The following AFAP1L2 variants were observed in gnomAD, a reference collection of about 807,000 sequenced individuals.
The protein encoded by AFAP1L2 is actin filament associated protein 1 like 2.
Under a neutral mutation model 99.3 loss-of-function variants are expected in AFAP1L2, and 46 were observed. The observed-to-expected ratio is 0.46, with a 90% CI of 0.37 to 0.59. The LOEUF is 0.59. Among genes scored for constraint, AFAP1L2 ranks in the 20% least tolerant of loss-of-function variants. The probability of loss-of-function intolerance (pLI) is 0.00; values close to 1 mark genes in which losing one functional copy is unlikely to be tolerated. For synonymous variants in AFAP1L2, 397 were observed against 419.1 expected, an observed-to-expected ratio of 0.95 and a Z score of 0.64; for missense variants, 959 against 1,034.9, an observed-to-expected ratio of 0.93 and a Z score of 1.01.
chr10:114,384,500 G>A (rs896682129), intron 1 of AFAP1L2, among the ~76,000 whole-genome samples: 2 of 152,146 alleles, frequency 1.3e-5, no homozygotes, highest in Non-Finnish European at 2.9e-5. Flanking sequence ...GACAGCTGTT[G>A]GGCTTGAATG....
intron 1 of AFAP1L2, chr10:114,363,208 G>A (rs1251593519): frequency 1.0e-6 from 1 of 979,916 alleles, no homozygotes; most frequent in African/African-American, 1.8e-5. Flanking sequence ...TGAAATGTAT[G>A]CTGGACTTAG....
chr10:114,381,943 A>C (rs1324338787), intron 1 of AFAP1L2, among the ~76,000 whole-genome samples: 1 of 152,120 alleles, frequency 6.6e-6, no homozygotes, highest in Admixed American at 6.5e-5. Context: ...AAGAAGTATA[A>C]ATTATCAGGA....
chr10:114,337,308 GATGA>G (rs777642443), intron 2 of AFAP1L2, among the ~76,000 whole-genome samples: 21 of 152,244 alleles, frequency 1.4e-4, no homozygotes, highest in Non-Finnish European at 2.6e-4. Context: ...TGGGATAAAG[GATGA>G]ATGATGTCAT....
chr10:114,397,265 C>G (rs1318080388), intron 1 of AFAP1L2, among the ~76,000 whole-genome samples: 4 of 152,210 alleles, frequency 2.6e-5, no homozygotes, highest in Non-Finnish European at 5.9e-5. Flanking sequence ...ACGCCTTCCC[C>G]CAGTCCCAGT....
intron 3 of AFAP1L2, among the ~76,000 whole-genome samples, chr10:114,332,746 A>G (rs1252794079): frequency 1.3e-5 from 2 of 152,242 alleles, no homozygotes; most frequent in African/African-American, 4.8e-5. Flanking sequence ...CATGGAAGAA[A>G]ACATATGTCC....
intron 1 of AFAP1L2, among the ~76,000 whole-genome samples, chr10:114,356,211 G>A (rs2151893): frequency 0.11 from 17,008 of 152,020 alleles, 1,140 homozygotes; most frequent in East Asian, 0.25. Context: ...GCAGAGTCTG[G>A]GGAAATACTC....
chr10:114,284,463 T>G, the AFAP1L2 span, among the ~76,000 whole-genome samples: 1 of 152,190 alleles, frequency 6.6e-6, no homozygotes, highest in East Asian at 1.9e-4. Context: ...AAGGCTGGTG[T>G]GTTTTGCTGT....
chr10:114,340,625 G>C lies in AFAP1L2; in HGVS notation c.123C>G (p.Leu41=). The C allele has an allele frequency of 1.2e-6, 2 of 1,614,228 alleles. No homozygotes were observed. Among genetic ancestry groups the C allele is most frequent in the Non-Finnish European group, 1.7e-6 (2 of 1,180,040 alleles). The change falls in exon 2 of 19, where the codon CTC becomes CTG. Residue 41 remains leucine, a synonymous_variant. Coordinates refer to ENST00000304129, the MANE Select transcript of AFAP1L2 (RefSeq NM_001001936.3). ...CACTGCTGCTTTTGGTGTAAAGCCGGAGGAGCTCCGCCAGGCAGCTCTTCT... is the reference window on the plus strand; with the variant it reads ...CACTGCTGCTTTTGGTGTAAAGCCGCAGGAGCTCCGCCAGGCAGCTCTTCT... ...LVKKSCLAEL[L]RLYTKSSSSD...
At chr10:114,318,888 T>C (rs2044620185) in intron 5 of AFAP1L2, among the ~76,000 whole-genome samples, 1 of 152,142 alleles carries the variant, frequency 6.6e-6, no homozygotes, top group African/African-American at 2.4e-5. Flanking sequence ...GCATGGTGGC[T>C]CATGCCTGTA....
At chr10:114,281,602 G>A in the AFAP1L2 span, 1 of 334,980 alleles carries the variant, frequency 3.0e-6, no homozygotes. Flanking sequence ...CAGCAGACCT[G>A]AGAAGTCATT....
intron 1 of AFAP1L2, among the ~76,000 whole-genome samples, chr10:114,365,922 T>TG (rs1192479215): frequency 3.3e-5 from 5 of 151,722 alleles, no homozygotes; most frequent in Admixed American, 6.6e-5. Context: ...TGTATAGAGA[T>TG]GGGGGGTCTT....
downstream of AFAP1L2, chr10:114,291,277 C>T: frequency 6.5e-7 from 1 of 1,541,858 alleles, no homozygotes; most frequent in Non-Finnish European, 8.8e-7. Flanking sequence ...AGCCGTACCC[C>T]TCCCAGCAAC....
chr10:114,297,397 C>T lies in AFAP1L2; in HGVS notation c.2130G>A (p.Ala710=), dbSNP rs142901106. 98 of 1,613,084 alleles carry T rather than the reference C, an allele frequency of 6.1e-5. No homozygotes were observed. The highest frequency in any genetic ancestry group is 2.9e-4 in the African/African-American group (22 of 75,022). Residue 710 remains alanine (A), a synonymous_variant, in exon 17 of 19, where the codon GCG becomes GCA. Coordinates refer to ENST00000304129, the MANE Select transcript of AFAP1L2 (RefSeq NM_001001936.3). ...TTTCCTTCAGCTTCTGCTCCAGGCT[C>T]GCCAGGACTTCCTTGTCTGGAGAGA... is the stretch of plus-strand genomic sequence containing the variant. ...LLKCTDKEVL[A]SLEQKLKEID...
At chr10:114,321,676 G>A (rs2045362169) in intron 5 of AFAP1L2, among the ~76,000 whole-genome samples, 1 of 152,182 alleles carries the variant, frequency 6.6e-6, no homozygotes, top group South Asian at 2.1e-4. Context: ...GAAAGAGAAG[G>A]AGGACAGAAG....
At chr10:114,368,064 G>A (rs11196714) in intron 1 of AFAP1L2, among the ~76,000 whole-genome samples, 4 of 152,210 alleles carry the variant, frequency 2.6e-5, no homozygotes, top group Non-Finnish European at 2.9e-5. Context: ...ATAAGAGGAC[G>A]TGTAAGGCAG....
rs190893008 is a variant in AFAP1L2, at chr10:114,373,157, C to G, written c.16+31283G>C. Among the ~76,000 whole-genome samples the G allele has an allele frequency of 1.3e-3, 191 of 152,294 alleles. 10 individuals carry two copies. Among genetic ancestry groups the G allele is most frequent in the Admixed American group, 0.011 (166 of 15,300 alleles). ...ACTCAGGAGGCTGAGGTGGGAAGAT[C>G]GCTTGAGCCCAGGAAGTCAAGGCTA... On this transcript the variant is annotated intron_variant, in intron 1 of 18. Transcript: ENST00000304129.
rs756952584 is a variant in AFAP1L2, at chr10:114,295,307, A to G, written c.*735T>C. The stretch of plus-strand genomic sequence containing the variant: ...ACTTTTCACTGTTCTAAATGACAGG[A>G]TTTTAAGCATTTTTTCCTATATATA... On this transcript the variant is annotated 3_prime_UTR_variant, in exon 19 of 19. Coordinates refer to ENST00000304129, the MANE Select transcript of AFAP1L2 (RefSeq NM_001001936.3). The G allele has an allele frequency of 2.0e-6, 2 of 985,152 alleles. No homozygotes were observed. The highest frequency in any genetic ancestry group is 2.4e-6 in the Non-Finnish European group (2 of 829,268). 61.0% of individuals were successfully genotyped at this position (985,152 alleles called of 1,614,324 possible). A position where few individuals can be genotyped will look rare whatever the true frequency, so the allele number is the denominator to read the frequency against.
At chr10:114,401,008 C>A (rs2058180330) in intron 1 of AFAP1L2, among the ~76,000 whole-genome samples, 1 of 152,186 alleles carries the variant, frequency 6.6e-6, no homozygotes. Context: ...CTTTTCCAGA[C>A]CTTCCCTGAC....
chr10:114,371,508 CTA>C (rs1193341731), intron 1 of AFAP1L2, among the ~76,000 whole-genome samples: 2 of 152,066 alleles, frequency 1.3e-5, no homozygotes, highest in Non-Finnish European at 2.9e-5. Context: ...GGAAAAACTC[CTA>C]TGTTTACTTT....
Sources: allele counts gnomAD v4.1 joint callset (sites outside exome capture counted in the v4.1 genomes callset), GRCh38; gene constraint gnomAD v4.1.1; transcripts MANE v1.5; gene names NCBI Gene and HGNC (gene_info 2026-07-23, HGNC 2026-07-21).